The following RWDD1 variants were observed in gnomAD, a reference collection of about 807,000 sequenced individuals.
The protein encoded by RWDD1 is RWD domain-containing protein 1.
RWDD1 carries 17 observed loss-of-function variants against 31.6 expected under a neutral mutation model. The observed-to-expected ratio is 0.54, with a 90% confidence interval of 0.37 to 0.81. The LOEUF (loss-of-function observed/expected upper bound fraction) is 0.81, where lower values mean the gene tolerates loss of function less well. Among genes scored for constraint, RWDD1 ranks in the 30% least tolerant of loss-of-function variants. RWDD1 has a pLI of 0.00. For synonymous variants in RWDD1, 78 were observed against 94.2 expected (o/e 0.83, Z 0.99); for missense variants, 204 against 274.5 (o/e 0.74, Z 1.82).
intron 1 of RWDD1, among the ~76,000 whole-genome samples, chr6:116,573,707 G>C (rs1033693840): frequency 3.9e-5 from 6 of 152,070 alleles, no homozygotes; most frequent in Non-Finnish European, 8.8e-5. Context: ...AAGAGATCTT[G>C]CTTGTGTCGG....
At chr6:116,574,158 A>G (rs966652811) in intron 1 of RWDD1, 2 of 172,798 alleles carry the variant, frequency 1.2e-5, no homozygotes, top group African/African-American at 4.8e-5. Flanking sequence ...TTCACTTGAC[A>G]AGGTCCTGCT....
chr6:116,584,643 T>C (rs1775007245), intron 2 of RWDD1, 84 bp from the exon 3 acceptor site: 10 of 1,198,044 alleles, frequency 8.3e-6, no homozygotes, highest in Non-Finnish European at 1.2e-5. Flanking sequence ...GAAAATCTAT[T>C]GTGCTACTTT....
Position 116,595,188 on chromosome 6 carries a change from A to G in RWDD1, c.*2087A>G, listed in dbSNP as rs954739249. 2.6e-5 allele frequency: 4 copies of G among 152,236 alleles called. No homozygotes were observed. Among genetic ancestry groups the G allele is most frequent in the Non-Finnish European group, 4.4e-5 (3 of 68,038 alleles). The allele number at this position is 152,236 out of a possible 1,614,324, so 9.4% of individuals were successfully genotyped here. ...AATGTGGTGCTGAAATCAAGACTTA[A>G]CTTTGAAGTGTCAAGAATGATAACC... is the stretch of plus-strand genomic sequence containing the variant. On this transcript the variant is annotated 3_prime_UTR_variant, in exon 7 of 7. Transcript: ENST00000466444.
At chr6:116,590,528 A>T in intron 5 of RWDD1, 124 bp downstream of exon 5, 1 of 1,212,668 alleles carries the variant, frequency 8.2e-7, no homozygotes, top group Non-Finnish European at 1.1e-6. Context: ...GGACAAAAAG[A>T]GAAAACATAT....
rs1775218878 is a variant in RWDD1 at position 116,595,071 on chromosome 6, T to C, written c.*1970T>C. On this transcript the variant is annotated 3_prime_UTR_variant, in exon 7 of 7. Transcript: ENST00000466444. ...GTTTGTCCTATGTGAGATTTTGCTT[T>C]TCCCATCTTTTTGAAGCTGATCAGC... The C allele has an allele frequency of 1.3e-5, 2 of 152,200 alleles. No homozygotes were observed. Among genetic ancestry groups the C allele is most frequent in the African/African-American group, 4.8e-5 (2 of 41,452 alleles). The allele number at this position is 152,200 out of a possible 1,614,324, so 9.4% of individuals were successfully genotyped here. A position where few individuals can be genotyped will look rare whatever the true frequency, so the allele number is the denominator to read the frequency against.
intron 2 of RWDD1, 36 bp downstream of exon 2, chr6:116,580,396 A>G (rs756718540): frequency 1.3e-6 from 2 of 1,488,490 alleles, no homozygotes; most frequent in Admixed American, 3.8e-5. Flanking sequence ...GTTTTTCTAA[A>G]TTTCTCAGGA....
chr6:116,583,127 G>A (rs754170381), intron 2 of RWDD1, among the ~76,000 whole-genome samples: 31 of 151,856 alleles, frequency 2.0e-4, no homozygotes, highest in Non-Finnish European at 3.5e-4. Context: ...ACAGGCACAT[G>A]CTACCACTCC....
At chr6:116,591,201 G>GGCTGTTAAAAAATAC (rs1226021934) in intron 6 of RWDD1, among the ~76,000 whole-genome samples, 1 of 151,880 alleles carries the variant, frequency 6.6e-6, no homozygotes, top group Non-Finnish European at 1.5e-5. Flanking sequence ...TTCCTCCCAA[G>GGCTGTTAAAAAATAC]GCTGTTAAAA....
chr6:116,573,873 A>T (rs1440594780), intron 1 of RWDD1, among the ~76,000 whole-genome samples: 11 of 152,116 alleles, frequency 7.2e-5, no homozygotes, highest in Non-Finnish European at 2.9e-5. Flanking sequence ...GCATTTGTTA[A>T]GTACACGTGA....
At chr6:116,580,269 T>A in intron 1 of RWDD1, 26 bp from the exon 2 acceptor site, 1 of 1,547,250 alleles carries the variant, frequency 6.5e-7, no homozygotes, top group Non-Finnish European at 8.8e-7. Context: ...AGCATTTCAA[T>A]AACTTCTGTG....
intron 6 of RWDD1, 143 bp from the exon 7 acceptor site, chr6:116,592,837 A>G (rs554806918): frequency 9.1e-4 from 721 of 791,604 alleles, no homozygotes; most frequent in Non-Finnish European, 1.2e-3. Flanking sequence ...ATCACTGTTG[A>G]TAACTGTAGT....
chr6:116,571,761 G>A (rs1451031040), intron 1 of RWDD1, 106 bp downstream of exon 1: 47 of 938,144 alleles, frequency 5.0e-5, no homozygotes, highest in Non-Finnish European at 3.1e-6. Flanking sequence ...AGGGGACCTT[G>A]AGGCCGCGCG....
intron 3 of RWDD1, among the ~76,000 whole-genome samples, chr6:116,585,787 T>A (rs1398383590): frequency 6.6e-6 from 1 of 152,092 alleles, no homozygotes; most frequent in African/African-American, 2.4e-5. Context: ...TTCTAACATC[T>A]TTTTTTATAT....
At chr6:116,585,305 C>T (rs548073852) in intron 3 of RWDD1, among the ~76,000 whole-genome samples, 4 of 152,222 alleles carry the variant, frequency 2.6e-5, no homozygotes, top group Admixed American at 2.6e-4. Flanking sequence ...ATCTCTCATC[C>T]TCCCAAAGCT....
At chr6:116,585,074 T>C (rs1241826406) in intron 3 of RWDD1, among the ~76,000 whole-genome samples, 1 of 152,184 alleles carries the variant, frequency 6.6e-6, no homozygotes, top group African/African-American at 2.4e-5. Context: ...TGAAACTCAG[T>C]CAGCCTCATG....
chr6:116,590,843 A>C, intron 5 of RWDD1, 45 bp from the exon 6 acceptor site: 3 of 1,542,416 alleles, frequency 1.9e-6, no homozygotes, highest in Non-Finnish European at 2.6e-6. Context: ...AAAATGGAGA[A>C]AAACTATGCC....
chr6:116,592,381 A>T (rs190374847), intron 6 of RWDD1, among the ~76,000 whole-genome samples: 1 of 152,134 alleles, frequency 6.6e-6, no homozygotes, highest in African/African-American at 2.4e-5. Flanking sequence ...TGCCTTTGCT[A>T]TGTCTCCTAG....
chr6:116,583,096 G>A (rs1490090559), intron 2 of RWDD1, among the ~76,000 whole-genome samples: 2 of 151,692 alleles, frequency 1.3e-5, no homozygotes, highest in Admixed American at 6.6e-5. Context: ...TCCCACCTCA[G>A]CCTCCCAGAT....
chr6:116,571,669 C>A lies in RWDD1; in HGVS notation c.73+14C>A. On this transcript the variant is annotated intron_variant, in intron 1 of 6. Transcript: ENST00000466444. ...ACTCCTTCACAGGTGACTCCCGCGG[C>A]CGCAAGCCTGTAGCCGCCCCGAGGT... The A allele has an allele frequency of 6.2e-7, 1 of 1,606,306 alleles. No individual in the cohort carries two copies. Among genetic ancestry groups the A allele is most frequent in the South Asian group, 1.1e-5 (1 of 90,630 alleles).
Sources: gnomAD v4.1 joint callset for allele counts (sites outside exome capture counted in the v4.1 genomes callset) on GRCh38, gnomAD v4.1.1 for gene constraint, MANE v1.5 for transcripts, NCBI Gene and HGNC (gene_info 2026-07-23, HGNC 2026-07-21) for gene names.